The following PTPRQ variants were observed in gnomAD, a reference collection of about 807,000 sequenced individuals.
PTPRQ encodes the protein protein tyrosine phosphatase receptor type Q, also known as phosphatidylinositol phosphatase PTPRQ.
Under a neutral mutation model 246.0 loss-of-function variants are expected in PTPRQ, and 199 were observed. The ratio of observed to expected loss-of-function variants is 0.81; its 90% CI spans 0.72 to 0.91. The LOEUF (loss-of-function observed/expected upper bound fraction) is 0.91. Ranked by LOEUF, PTPRQ falls within the 40% of genes least tolerant of loss-of-function variation. The probability of loss-of-function intolerance (pLI) is 0.00; values close to 1 mark genes in which losing one functional copy is unlikely to be tolerated. For synonymous variants in PTPRQ, 869 were observed against 853.2 expected (o/e 1.02, Z -0.32); for missense variants, 2,624 against 2,528.4 (o/e 1.04, Z -0.81).
At chr12:80,587,462 C>G (rs1897657701) in intron 25 of PTPRQ, among the ~76,000 whole-genome samples, 1 of 152,076 alleles carries the variant, frequency 6.6e-6, no homozygotes, top group Non-Finnish European at 1.5e-5. Context: ...CTCTTGAAAA[C>G]AGGACATGAG....
At chr12:80,567,946 A>T (rs1319822386) in intron 25 of PTPRQ, among the ~76,000 whole-genome samples, 1 of 152,182 alleles carries the variant, frequency 6.6e-6, no homozygotes, top group Non-Finnish European at 1.5e-5. Context: ...TGACATAAAA[A>T]GTATATATTT....
chr12:80,603,679 C>A (rs1406167131), intron 26 of PTPRQ, among the ~76,000 whole-genome samples: 1 of 151,372 alleles, frequency 6.6e-6, no homozygotes, highest in Non-Finnish European at 1.5e-5. Flanking sequence ...GTCTGTGGGT[C>A]CTGTTGTTTA....
chr12:80,479,848 T>C (rs569882800), intron 8 of PTPRQ, among the ~76,000 whole-genome samples: 13 of 152,196 alleles, frequency 8.5e-5, no homozygotes, highest in Non-Finnish European at 1.9e-4. Context: ...ATGCACCCAA[T>C]ACAGGAGCAC....
chr12:80,518,910 C>T (rs554012173), intron 17 of PTPRQ, among the ~76,000 whole-genome samples: 46 of 152,084 alleles, frequency 3.0e-4, no homozygotes, highest in Middle Eastern at 6.8e-3. Context: ...TCAGATAATG[C>T]GATTCCTCCA....
chr12:80,488,888 G>T (rs958928936), intron 9 of PTPRQ, among the ~76,000 whole-genome samples: 5 of 151,844 alleles, frequency 3.3e-5, no homozygotes, highest in Non-Finnish European at 5.9e-5. Context: ...AATTACATTA[G>T]CAAAATGAGT....
intron 36 of PTPRQ, 58 bp from the exon 37 acceptor site, chr12:80,649,530 C>T: frequency 1.3e-6 from 2 of 1,523,356 alleles, no homozygotes; most frequent in Non-Finnish European, 8.8e-7. Flanking sequence ...AGTGCCAATG[C>T]TAACGCGAAC....
chr12:80,652,860 T>TG, intron 38 of PTPRQ, 26 bp downstream of exon 38: 1 of 1,442,624 alleles, frequency 6.9e-7, no homozygotes, highest in Non-Finnish European at 9.1e-7. Flanking sequence ...GGTTTTGGTT[T>TG]AGCTAGGAAA....
chr12:80,452,897 A>C (rs528468918), intron 3 of PTPRQ, among the ~76,000 whole-genome samples: 13 of 152,252 alleles, frequency 8.5e-5, no homozygotes, highest in African/African-American at 3.1e-4. Flanking sequence ...TATTTCCTGA[A>C]TGTGAATGTT....
At chr12:80,678,535 A>G in intron 43 of PTPRQ, 67 bp from the exon 44 acceptor site, 1 of 1,446,522 alleles carries the variant, frequency 6.9e-7, no homozygotes, top group Non-Finnish European at 9.1e-7. Context: ...TAGCTTTAAC[A>G]ATATAACTCC....
At chr12:80,626,853 G>C (rs556703154) in intron 33 of PTPRQ, among the ~76,000 whole-genome samples, 177 of 152,056 alleles carry the variant, frequency 1.2e-3, no homozygotes, top group South Asian at 7.1e-3. Flanking sequence ...ACTTTGTCTT[G>C]GCTTTTGAGG....
chr12:80,554,374 A>G (rs1896582606), intron 25 of PTPRQ, among the ~76,000 whole-genome samples: 1 of 152,188 alleles, frequency 6.6e-6, no homozygotes, highest in Non-Finnish European at 1.5e-5. Context: ...AAGATTTAAA[A>G]TTTAAAACCA....
At chr12:80,551,927 CT>C (rs757055196) in intron 25 of PTPRQ, among the ~76,000 whole-genome samples, 15 of 151,868 alleles carry the variant, frequency 9.9e-5, no homozygotes, top group Non-Finnish European at 2.2e-4. Flanking sequence ...GATTGCTTTG[CT>C]TCCTTTAACT....
chr12:80,581,508 G>A (rs1296658904), intron 25 of PTPRQ, among the ~76,000 whole-genome samples: 3 of 151,944 alleles, frequency 2.0e-5, no homozygotes, highest in African/African-American at 4.8e-5. Context: ...GATGGCACAC[G>A]CCTGTGATTC....
At chr12:80,467,321 C>A (rs1451864697) in intron 6 of PTPRQ, among the ~76,000 whole-genome samples, 1 of 152,074 alleles carries the variant, frequency 6.6e-6, no homozygotes, top group African/African-American at 2.4e-5. Flanking sequence ...CATCTCACAC[C>A]AGTTAGAATG....
intron 26 of PTPRQ, among the ~76,000 whole-genome samples, chr12:80,599,374 C>A (rs1162438651): frequency 6.6e-6 from 1 of 151,886 alleles, no homozygotes; most frequent in Non-Finnish European, 1.5e-5. Flanking sequence ...TGGCCCATTA[C>A]TGACTAGATT....
Position 80,588,123 on chromosome 12 carries a change from T to G in PTPRQ, c.4286-6T>G. ...ACTGCTTTTAATTTTTCCCTTTAAT[T>G]TTTAGTTCCCAGTGTTCCCACAAAT... is the stretch of plus-strand genomic sequence containing the variant. On this transcript the variant is annotated splice_region_variant and splice_polypyrimidine_tract_variant and intron_variant, in intron 25 of 44. Coordinates refer to ENST00000644991, the MANE Select transcript of PTPRQ (RefSeq NM_001145026.2). The G allele has an allele frequency of 6.6e-7, 1 of 1,505,710 alleles. No individual in the cohort carries two copies. The highest frequency in any genetic ancestry group is 2.5e-5 in the East Asian group (1 of 40,488). 93.3% of individuals were successfully genotyped at this position (1,505,710 alleles called of 1,614,324 possible).
chr12:80,554,912 T>TTTTG (rs554667745), intron 25 of PTPRQ, among the ~76,000 whole-genome samples: 2 of 152,000 alleles, frequency 1.3e-5, no homozygotes, highest in Admixed American at 6.6e-5. Flanking sequence ...CCAGCTTATT[T>TTTTG]TTTGTTTGTT....
chr12:80,641,494 C>T (rs1334638770), intron 35 of PTPRQ, among the ~76,000 whole-genome samples: 1 of 152,126 alleles, frequency 6.6e-6, no homozygotes, highest in Non-Finnish European at 1.5e-5. Flanking sequence ...CAAGGAAGCC[C>T]GGTCTATTTC....
Position 80,538,324 on chromosome 12 carries a change from C to T in PTPRQ, c.2986-1452C>T, listed in dbSNP as rs114652766. 6.2e-3 allele frequency among the ~76,000 whole-genome samples: 937 copies of T among 152,254 alleles called. 10 individuals are homozygous for T. Among genetic ancestry groups the T allele is most frequent in the African/African-American group, 0.022 (908 of 41,548 alleles). On this transcript the variant is annotated intron_variant, in intron 19 of 44. Transcript: ENST00000644991. ...GTTACAAATTTGTTACATGCCTATG[C>T]ACATTAAGTCACACAGTCAGCAGGA...
Sources: allele counts gnomAD v4.1 joint callset (sites outside exome capture counted in the v4.1 genomes callset), GRCh38; gene constraint gnomAD v4.1.1; transcripts MANE v1.5; gene names NCBI Gene and HGNC (gene_info 2026-07-23, HGNC 2026-07-21).